Variants in GALC observed in about 807,000 individuals in gnomAD.
GALC encodes galactocerebrosidase.
A neutral mutation model predicts 91.8 loss-of-function variants in GALC; 77 were observed. The observed-to-expected ratio is 0.84, with a 90% CI of 0.70 to 1.01. The LOEUF (loss-of-function observed/expected upper bound fraction) is 1.01. Ranked by LOEUF, GALC falls within the 50% of genes least tolerant of loss-of-function variation. The pLI, the probability that GALC is intolerant of heterozygous loss-of-function variation, is 0.00. For synonymous variants in GALC, 357 were observed against 306.7 expected (o/e 1.16, Z -1.71); for missense variants, 882 against 855.9 (o/e 1.03, Z -0.38).
intron 6 of GALC, chr14:87,976,849 C>A (rs1886515016): frequency 3.8e-6 from 1 of 262,950 alleles, no homozygotes; most frequent in Non-Finnish European, 7.6e-6. Flanking sequence ...CTCCTGACCT[C>A]ATGGATGATA....
intron 16 of GALC, among the ~76,000 whole-genome samples, chr14:87,935,115 A>C (rs1245903725): frequency 6.6e-6 from 1 of 152,118 alleles, no homozygotes; most frequent in African/African-American, 2.4e-5. Flanking sequence ...GGAATACCTC[A>C]ATATTTCCTG....
chr14:87,961,753 G>A (rs1251349121), intron 10 of GALC, among the ~76,000 whole-genome samples: 1 of 152,130 alleles, frequency 6.6e-6, no homozygotes, highest in African/African-American at 2.4e-5. Context: ...CTAAGAGCCT[G>A]CAGATGAGAT....
Position 87,934,465 on chromosome 14 carries a change from A to G in GALC, c.*267T>C, listed in dbSNP as rs1884485063. On this transcript the variant is annotated 3_prime_UTR_variant, in exon 17 of 17. Transcript: ENST00000261304. ...CTTCGAGGTCTGTACTACTCAAACC[A>G]CTCCTAAGGGTATGGCCAATGCACA... 1 of 1,355,686 alleles carries G rather than the reference A, an allele frequency of 7.4e-7. No homozygotes were observed. The highest frequency in any genetic ancestry group is 9.5e-7 in the Non-Finnish European group (1 of 1,052,498). The allele number at this position is 1,355,686 out of a possible 1,614,324, so 84.0% of individuals were successfully genotyped here.
At chr14:87,992,231 C>G in intron 1 of GALC, 1 of 1,499,092 alleles carries the variant, frequency 6.7e-7, no homozygotes, top group South Asian at 1.2e-5. Context: ...CGAGTTCAAC[C>G]TTAACATTTT....
At chr14:87,953,569 A>G in intron 10 of GALC, 1 of 1,609,618 alleles carries the variant, frequency 6.2e-7, no homozygotes, top group Non-Finnish European at 8.5e-7. Flanking sequence ...TGAGTTGTGT[A>G]GCTCAGGAAT....
intron 8 of GALC, among the ~76,000 whole-genome samples, chr14:87,966,591 C>G (rs888698856): frequency 1.3e-5 from 2 of 152,148 alleles, no homozygotes; most frequent in Non-Finnish European, 2.9e-5. Flanking sequence ...TTTCAAAACA[C>G]CTTACTACTA....
intron 10 of GALC, among the ~76,000 whole-genome samples, chr14:87,960,367 C>A (rs1885751471): frequency 6.6e-6 from 1 of 152,138 alleles, no homozygotes; most frequent in South Asian, 2.1e-4. Context: ...AGACGGTTAA[C>A]AGTAAGGTTT....
chr14:87,952,706 A>C, intron 10 of GALC: 1 of 1,512,682 alleles, frequency 6.6e-7, no homozygotes, highest in South Asian at 1.1e-5. Flanking sequence ...TCCAGATCTT[A>C]GTGGTCATTT....
intron 10 of GALC, 108 bp from the exon 11 acceptor site, chr14:87,950,856 G>A (rs1351618852): frequency 1.5e-6 from 1 of 668,624 alleles, no homozygotes; most frequent in Non-Finnish European, 2.7e-6. Flanking sequence ...ACATATACTA[G>A]ATAACAAATA....
At chr14:87,935,107 A>T (rs1290135086) in intron 16 of GALC, among the ~76,000 whole-genome samples, 1 of 152,128 alleles carries the variant, frequency 6.6e-6, no homozygotes, top group Non-Finnish European at 1.5e-5. Flanking sequence ...AAGTACAAGG[A>T]ATACCTCAAT....
intron 10 of GALC, chr14:87,954,544 C>T: frequency 1.9e-6 from 3 of 1,559,658 alleles, no homozygotes; most frequent in Non-Finnish European, 2.6e-6. Flanking sequence ...CCTGTGAGTG[C>T]TTGTTTGATG....
intron 1 of GALC, chr14:87,992,352 T>C (rs748773704): frequency 5.7e-5 from 88 of 1,535,678 alleles, no homozygotes; most frequent in Non-Finnish European, 7.1e-5. Context: ...GAGTACCCGG[T>C]AGTTTCAGGC....
upstream of GALC, chr14:87,993,410 G>C: frequency 6.5e-7 from 1 of 1,535,856 alleles, no homozygotes; most frequent in Non-Finnish European, 8.7e-7. Context: ...GCGTCACCTG[G>C]TGGAGCACTT....
At position 87,933,864 on chromosome 14, in the gene GALC, G is replaced by A; in HGVS notation, c.*868C>T. 1.2e-6 allele frequency: 1 copy of A among 863,192 alleles called. No homozygotes were observed. Among genetic ancestry groups the A allele is most frequent in the South Asian group, 1.6e-5 (1 of 62,010 alleles). The allele number at this position is 863,192 out of a possible 1,614,324, so 53.5% of individuals were successfully genotyped here. ...GCTCCCCTCCTTCCACACATAAGGA[G>A]AGAAAAGCATTCATCAGCTGTGTGA... On this transcript the variant is annotated 3_prime_UTR_variant, in exon 17 of 17. Coordinates refer to ENST00000261304, the MANE Select transcript of GALC (RefSeq NM_000153.4).
chr14:87,978,006 C>T (rs1886575602), intron 6 of GALC, among the ~76,000 whole-genome samples: 1 of 152,090 alleles, frequency 6.6e-6, no homozygotes, highest in Non-Finnish European at 1.5e-5. Context: ...GATTGAGAAC[C>T]CCTATCCCTC....
chr14:87,976,470 T>C lies in GALC; in HGVS notation c.640A>G (p.Asn214Asp). The C allele has an allele frequency of 8.1e-6, 13 of 1,612,630 alleles. No homozygotes were observed. Among genetic ancestry groups the C allele is most frequent in the Non-Finnish European group, 1.0e-5 (12 of 1,178,664 alleles). Residue 214 changes from asparagine (N) to aspartate (D), a missense_variant, in exon 7 of 17, where the codon AAT becomes GAT. Coordinates refer to ENST00000261304, the MANE Select transcript of GALC (RefSeq NM_000153.4). ...TTCACTCGCTGGAGACCTTGATAAT[T>C]CAGCATTTTTCTTAATATCTTTTGG... Reference protein sequence around the residue: ...NYIKILRKMLNYQGLQRVKII... With the variant: ...NYIKILRKMLDYQGLQRVKII...
Position 87,993,154 on chromosome 14 carries a change from C to A in GALC, c.11G>T (p.Trp4Leu). ...GCGTTGCCAGGAAGCCGAGAGTAGC[C>A]ACTCAGCCATTGTGTGGGTCACATG... is the stretch of plus-strand genomic sequence containing the variant. The part of the protein sequence containing the change: MAE[W>L]LLSASWQRRA... The change falls in exon 1 of 17, where the codon TGG (tryptophan) becomes TTG (leucine). Residue 4 changes from tryptophan (W) to leucine (L), a missense_variant. By Grantham distance (61) the Trp-to-Leu change is moderately conservative. Transcript: ENST00000261304. The A allele has an allele frequency of 6.3e-7, 1 of 1,591,366 alleles. No individual in the cohort carries two copies. Among genetic ancestry groups the A allele is most frequent in the Non-Finnish European group, 8.6e-7 (1 of 1,169,372 alleles).
chr14:87,937,989 T>G (rs549807081), intron 16 of GALC, among the ~76,000 whole-genome samples: 1 of 152,058 alleles, frequency 6.6e-6, no homozygotes, highest in Admixed American at 6.6e-5. Context: ...ACCAGCACCA[T>G]TTTTCAAGTA....
chr14:87,934,220 TA>T lies in GALC; in HGVS notation c.*511del. On this transcript the variant is annotated 3_prime_UTR_variant, in exon 17 of 17. Transcript: ENST00000261304. ...AAAAGGAAAATAAAAAAATACTTTT[TA>T]GAGCATAAAGCATAACAGGTTGAAG... is the stretch of plus-strand genomic sequence containing the variant. The T allele has an allele frequency of 2.2e-6, 3 of 1,393,262 alleles. No individual in the cohort carries two copies. Among genetic ancestry groups the T allele is most frequent in the Non-Finnish European group, 2.8e-6 (3 of 1,076,132 alleles). 86.3% of individuals were successfully genotyped at this position (1,393,262 alleles called of 1,614,324 possible).
Sources: allele counts gnomAD v4.1 joint callset (sites outside exome capture counted in the v4.1 genomes callset), GRCh38; gene constraint gnomAD v4.1.1; transcripts MANE v1.5; gene names NCBI Gene and HGNC (gene_info 2026-07-23, HGNC 2026-07-21).